The following DOP1A variants were observed in gnomAD, a reference collection of about 807,000 sequenced individuals.
DOP1A encodes the protein protein DOP1A.
DOP1A carries 90 observed loss-of-function variants against 267.6 expected under a neutral mutation model. That is an observed-to-expected ratio of 0.34 (90% CI 0.28 to 0.40). The LOEUF (loss-of-function observed/expected upper bound fraction) is 0.40. Among genes scored for constraint, DOP1A ranks in the 10% least tolerant of loss-of-function variants. DOP1A has a pLI of 1.00. For synonymous variants in DOP1A, 932 were observed against 999.1 expected (o/e 0.93, Z 1.27); for missense variants, 2,437 against 2,900.4 (o/e 0.84, Z 3.67).
At chr6:83,120,440 C>A (rs1776182215) in intron 9 of DOP1A, among the ~76,000 whole-genome samples, 1 of 151,686 alleles carries the variant, frequency 6.6e-6, no homozygotes, top group African/African-American at 2.4e-5. Context: ...ATATATTTTT[C>A]TAAATTTTCT....
chr6:83,149,647 A>G (rs1781245622), intron 27 of DOP1A, among the ~76,000 whole-genome samples: 1 of 152,136 alleles, frequency 6.6e-6, no homozygotes, highest in South Asian at 2.1e-4. Context: ...GAGGAGAGAC[A>G]TGACTGGCAT....
At chr6:83,161,188 A>G (rs1784151226) in intron 37 of DOP1A, 1 of 152,132 alleles carries the variant, frequency 6.6e-6, no homozygotes, top group South Asian at 2.1e-4. Flanking sequence ...CTGACTTTTT[A>G]TCTTCCATGA....
At chr6:83,108,393 G>A (rs1774009907) in intron 4 of DOP1A, among the ~76,000 whole-genome samples, 1 of 152,082 alleles carries the variant, frequency 6.6e-6, no homozygotes, top group Admixed American at 6.6e-5. Context: ...TCCTGGGCTG[G>A]TCTTAAACTC....
intron 1 of DOP1A, among the ~76,000 whole-genome samples, chr6:83,090,403 G>A (rs1481574673): frequency 6.6e-6 from 1 of 151,952 alleles, no homozygotes; most frequent in Admixed American, 6.6e-5. Context: ...TCTTTTCATC[G>A]CCTGGGGTTT....
Position 83,119,785 on chromosome 6 carries a change from C to G in DOP1A, c.918C>G (p.Ser306Arg). The change falls in exon 9 of 39, where the codon AGC becomes AGG. Residue 306 changes from serine (S) to arginine (R), a missense_variant. This residue lies in a region of DOP1A where 498 missense variants were observed against 513.5 expected (regional missense o/e 0.97). Transcript: ENST00000349129. ...DNNGAIIGPR[S>R]TRHSNPEEHA... ...ACGGTGCTATCATAGGACCCAGAAG[C>G]ACAAGACACAGTAATCCTGAAGAAC... The G allele has an allele frequency of 6.2e-7, 1 of 1,613,066 alleles. No individual in the cohort carries two copies. The highest frequency in any genetic ancestry group is 2.2e-5 in the East Asian group (1 of 44,816).
In DOP1A at chr6:83,130,331, G is replaced by T; in HGVS notation, c.2550G>T (p.Val850=). Reference sequence around the variant, plus strand: ...GTCCAAACCAGGGAAGAGTAGCTGTGGTTATTAGACCTCCCCTCACTCAGG... The same window carrying T: ...GTCCAAACCAGGGAAGAGTAGCTGTTGTTATTAGACCTCCCCTCACTCAGG... The part of the protein sequence containing the change: ...PLSPNQGRVA[V]VIRPPLTQGN... Residue 850 remains valine, a synonymous_variant, in exon 17 of 39, where the codon GTG becomes GTT. Coordinates refer to ENST00000349129, the MANE Select transcript of DOP1A (RefSeq NM_015018.4). 3 of 1,613,974 alleles carry T rather than the reference G, an allele frequency of 1.9e-6. No homozygotes were observed. Among genetic ancestry groups the T allele is most frequent in the Non-Finnish European group, 2.5e-6 (3 of 1,179,946 alleles).
intron 33 of DOP1A, among the ~76,000 whole-genome samples, chr6:83,154,564 A>G (rs1782353910): frequency 6.6e-6 from 1 of 152,218 alleles, no homozygotes; most frequent in Non-Finnish European, 1.5e-5. Context: ...GCACATAATA[A>G]TAGCACTCAA....
chr6:83,163,243 T>TTA (rs1784655471), intron 38 of DOP1A, among the ~76,000 whole-genome samples: 1 of 152,178 alleles, frequency 6.6e-6, no homozygotes, highest in South Asian at 2.1e-4. Context: ...ATGTGAGTAT[T>TTA]TAAGACTGTA....
intron 38 of DOP1A, chr6:83,165,763 T>C (rs141069710): frequency 8.3e-6 from 2 of 242,284 alleles, no homozygotes; most frequent in South Asian, 5.1e-5. Flanking sequence ...TTTCGAAGCG[T>C]TGGTTGTGCA....
intron 3 of DOP1A, among the ~76,000 whole-genome samples, chr6:83,097,503 C>T (rs554826851): frequency 1.9e-4 from 29 of 152,256 alleles, no homozygotes; most frequent in African/African-American, 6.3e-4. Context: ...TGTGTTCTTT[C>T]CAAATGATAT....
intron 27 of DOP1A, among the ~76,000 whole-genome samples, chr6:83,149,631 GT>G (rs769883021): frequency 2.6e-5 from 4 of 152,148 alleles, no homozygotes; most frequent in Admixed American, 6.5e-5. Flanking sequence ...GCGGTTGCAG[GT>G]TTTTGAGGAG....
At chr6:83,072,123 G>A (rs1211065895) in intron 1 of DOP1A, among the ~76,000 whole-genome samples, 1 of 152,094 alleles carries the variant, frequency 6.6e-6, no homozygotes, top group Non-Finnish European at 1.5e-5. Context: ...CCTGTGGAAG[G>A]AGTTTCGTAT....
intron 1 of DOP1A, among the ~76,000 whole-genome samples, chr6:83,080,047 G>T (rs1475470283): frequency 6.6e-6 from 1 of 152,032 alleles, no homozygotes; most frequent in Non-Finnish European, 1.5e-5. Flanking sequence ...ACAGAATGTG[G>T]TCAATCTAGA....
intron 21 of DOP1A, 130 bp downstream of exon 21, chr6:83,139,292 C>CCTG: frequency 2.9e-6 from 2 of 678,966 alleles, no homozygotes; most frequent in Non-Finnish European, 4.8e-6. Flanking sequence ...TAGTGTATTA[C>CCTG]TTTCCACAAA....
rs755312674 is a variant in DOP1A at position 83,134,236 on chromosome 6, C to T, written c.2819C>T (p.Thr940Met). ...HAKFAVLWHL[T>M]RDLHINKSSS... The stretch of plus-strand genomic sequence containing the variant: ...AAGTTTGCAGTTCTTTGGCATCTAA[C>T]GAGAGATCTCCATATAAATAAATCT... The change falls in exon 19 of 39, where the codon ACG (threonine) becomes ATG (methionine). Residue 940 changes from threonine (T) to methionine (M), a missense_variant. Thr to Met is a moderately conservative substitution (Grantham distance 81). This residue lies in a region of DOP1A where 878 missense variants were observed against 992.9 expected (regional missense o/e 0.88). Coordinates refer to ENST00000349129, the MANE Select transcript of DOP1A (RefSeq NM_015018.4). The T allele has an allele frequency of 2.0e-5, 33 of 1,612,784 alleles. No homozygotes were observed. Among genetic ancestry groups the T allele is most frequent in the East Asian group, 4.5e-5 (2 of 44,832 alleles).
rs1721105389 is a variant in DOP1A, at chr6:83,152,471, T to C, written c.6129+104T>C. ...GAATTTCTAATTTGAGAAACTATTT[T>C]GTGCTTCTAGAAATCACTATATAGA... On this transcript the variant is annotated intron_variant, in intron 30 of 38. Transcript: ENST00000349129. 8.4e-6 allele frequency: 4 copies of C among 477,742 alleles called. No homozygotes were observed. In the South Asian group the frequency reaches 2.4e-4, roughly 29 times the overall value. The allele number at this position is 477,742 out of a possible 1,614,324, so 29.6% of individuals were successfully genotyped here. A position where few individuals can be genotyped will look rare whatever the true frequency, so the allele number is the denominator to read the frequency against.
chr6:83,105,837 A>G (rs890533109), intron 4 of DOP1A, among the ~76,000 whole-genome samples: 35 of 152,356 alleles, frequency 2.3e-4, no homozygotes, highest in Non-Finnish European at 4.7e-4. Flanking sequence ...TACATAATTC[A>G]TGCCTGCTAC....
chr6:83,118,816 C>A, intron 7 of DOP1A, 72 bp from the exon 8 acceptor site: 1 of 1,310,820 alleles, frequency 7.6e-7, no homozygotes, highest in Non-Finnish European at 1.1e-6. Context: ...TATTTCAGGG[C>A]ATTTTTTAAA....
Position 83,125,202 on chromosome 6 carries a change from C to T in DOP1A, c.1485+7C>T, listed in dbSNP as rs767577686. On this transcript the variant is annotated splice_region_variant and intron_variant, in intron 14 of 38. Transcript: ENST00000349129. ...TATGAGGGTGCTGTGTCAGGTATGA[C>T]ATTCAGCCTGTTTTGTTTTTAAATG... is the stretch of plus-strand genomic sequence containing the variant. 6.4e-6 allele frequency: 10 copies of T among 1,566,628 alleles called. No individual in the cohort carries two copies. The East Asian group carries it at 2.3e-4, about 36-fold the overall frequency.
Sources: allele counts gnomAD v4.1 joint callset (sites outside exome capture counted in the v4.1 genomes callset), GRCh38; gene constraint gnomAD v4.1.1; regional missense constraint gnomAD v4.1.1; transcripts MANE v1.5; gene names NCBI Gene and HGNC (gene_info 2026-07-23, HGNC 2026-07-21).